Variants in PRAMEF8 observed in about 807,000 individuals in gnomAD.
PRAMEF8 encodes putative PRAME family member 24.
PRAMEF8 carries 1 observed loss-of-function variant against 16.6 expected under a neutral mutation model. The observed-to-expected ratio is 0.06, with a 90% CI of 0.02 to 0.29. The LOEUF (loss-of-function observed/expected upper bound fraction) is 0.29. PRAMEF8 is among the 10% of genes least tolerant of loss of function. PRAMEF8 has a pLI of 1.00. For missense variants in PRAMEF8, 14 were observed against 336.8 expected, an observed-to-expected ratio of 0.04 and a Z score of 7.50; for synonymous variants, 4 against 145.4, an observed-to-expected ratio of 0.03 and a Z score of 7.00.
intron 2 of PRAMEF8, 92 bp from the exon 3 acceptor site, chr1:13,283,514 CT>C: frequency 4.0e-6 from 1 of 252,334 alleles, no homozygotes; most frequent in Non-Finnish European, 6.7e-6. Context: ...CTCTCTGCCA[CT>C]TTTCCCTCTC....
chr1:13,282,597 CTG>C, intron 3 of PRAMEF8: 1 of 617,374 alleles, frequency 1.6e-6, no homozygotes, highest in Non-Finnish European at 2.8e-6. Context: ...GATCTAAACC[CTG>C]CAGTAGCTAG....
chr1:13,284,452 CA>C, intron 1 of PRAMEF8: 5 of 160,212 alleles, frequency 3.1e-5, no homozygotes, highest in South Asian at 5.4e-5. Flanking sequence ...ACTTACCACC[CA>C]AAAACAATGA....
At chr1:13,281,787 C>G (rs1639601977) in exon 4 of PRAMEF8, 2 of 1,611,002 alleles carry the variant, frequency 1.2e-6, no homozygotes, top group Non-Finnish European at 1.7e-6. Flanking sequence ...GTGAGGGGCT[C>G]AGGGCTGAAA....
Position 13,281,455 on chromosome 1 carries a change from CT to C in PRAMEF8, c.1340del (p.Lys447ArgfsTer50). 3 of 873,810 alleles carry C rather than the reference CT, an allele frequency of 3.4e-6. No individual in the cohort carries two copies. The highest frequency in any genetic ancestry group is 5.1e-6 in the Non-Finnish European group (3 of 589,286). 54.1% of individuals were successfully genotyped at this position (873,810 alleles called of 1,614,324 possible). On this transcript the variant is annotated frameshift_variant, in exon 4 of 4. Coordinates refer to ENST00000357367, the Ensembl canonical transcript of PRAMEF8. LOFTEE classifies it high-confidence loss of function. ...AGGGGACGGTGCAGAACACAATGAT[CT>C]TGGGCTGCCTTAAGTCCCTCAGTGT...
exon 4 of PRAMEF8, chr1:13,281,778 T>C (rs1307517245): frequency 6.2e-7 from 1 of 1,610,854 alleles, no homozygotes; most frequent in African/African-American, 1.3e-5. Context: ...AGCAGACCTG[T>C]GAGGGGCTCA....
exon 4 of PRAMEF8, chr1:13,281,792 C>A: frequency 1.2e-6 from 2 of 1,611,204 alleles, no homozygotes; most frequent in Non-Finnish European, 8.5e-7. Flanking sequence ...GGGCTCAGGG[C>A]TGAAATGGGT....
At chr1:13,282,066 CTGTTCCTTCAGTG>C in intron 3 of PRAMEF8, 134 bp from the exon 4 acceptor site, 2 of 1,118,012 alleles carry the variant, frequency 1.8e-6, no homozygotes, top group Non-Finnish European at 2.7e-6. Context: ...AATGGAGACT[CTGTTCCTTCAGTG>C]CAGTCCCAAT....
At chr1:13,282,662 C>CT (rs1188023614) in intron 3 of PRAMEF8, 185 bp downstream of exon 3, 14 of 830,524 alleles carry the variant, frequency 1.7e-5, no homozygotes, top group Non-Finnish European at 2.4e-5. Context: ...ATCCCTCTGA[C>CT]TTTATTGGGA....
chr1:13,283,555 A>AT (rs1223402973), intron 2 of PRAMEF8, 133 bp from the exon 3 acceptor site: 2,103 of 335,862 alleles, frequency 6.3e-3, no homozygotes, highest in Non-Finnish European at 8.5e-3. Context: ...TTCCCTCCGG[A>AT]TTTTGCCTCA....
At chr1:13,281,698 G>T in exon 4 of PRAMEF8, 1 of 1,608,832 alleles carries the variant, frequency 6.2e-7, no homozygotes, top group Non-Finnish European at 8.5e-7. Context: ...GCAGGATGGC[G>T]CTGAGTTGGG....
At chr1:13,283,757 AC>A in intron 2 of PRAMEF8, 47 bp downstream of exon 2, 2 of 1,068,828 alleles carry the variant, frequency 1.9e-6, no homozygotes, top group South Asian at 1.4e-5. Flanking sequence ...AGCTGTCCCT[AC>A]CCTGGACAAA....
Position 13,282,916 on chromosome 1 carries a change from AG to A in PRAMEF8, c.793del (p.Leu265TrpfsTer35). The stretch of plus-strand genomic sequence containing the variant: ...CATAGACAGATTCTGGAAATAGTCC[AG>A]CTTGAGGAACTGAGAGGTGAATCGG... On this transcript the variant is annotated frameshift_variant, in exon 3 of 4. Transcript: ENST00000357367. LOFTEE classifies it high-confidence loss of function. 2.0e-6 allele frequency: 1 copy of A among 503,606 alleles called. No individual in the cohort carries two copies. Among genetic ancestry groups the A allele is most frequent in the South Asian group, 2.2e-5 (1 of 46,210 alleles). The allele number at this position is 503,606 out of a possible 1,614,324, so 31.2% of individuals were successfully genotyped here. A position where few individuals can be genotyped will look rare whatever the true frequency, so the allele number is the denominator to read the frequency against.
Sources: gnomAD v4.1 joint callset for allele counts on GRCh38, gnomAD v4.1.1 for gene constraint, MANE v1.5 for transcripts, NCBI Gene and HGNC (gene_info 2026-07-23, HGNC 2026-07-21) for gene names.